The following TMC5 variants were observed in gnomAD, a reference collection of about 807,000 sequenced individuals.
The protein encoded by TMC5 is transmembrane channel-like protein 5.
TMC5 carries 86 observed loss-of-function variants against 110.5 expected under a neutral mutation model. The observed-to-expected ratio is 0.78, with a 90% CI of 0.65 to 0.93. The LOEUF (loss-of-function observed/expected upper bound fraction) is 0.93. Ranked by LOEUF, TMC5 falls within the 40% of genes least tolerant of loss-of-function variation. TMC5 has a pLI of 0.00. For missense variants in TMC5, 1,144 were observed against 1,222.8 expected (o/e 0.94, Z 0.96); for synonymous variants, 455 against 439.5 (o/e 1.04, Z -0.44).
In TMC5 at chr16:19,477,525, T is replaced by G. The variant is rs376024344; in HGVS notation, c.2169+7T>G. 3 of 1,590,226 alleles carry G rather than the reference T, an allele frequency of 1.9e-6. No individual in the cohort carries two copies. Among genetic ancestry groups the G allele is most frequent in the Non-Finnish European group, 2.6e-6 (3 of 1,166,924 alleles). ...GGCCCTGTCTGGTGAAGAGGTGAGA[T>G]TCTATGCTTCTCTGCCTTAAGTTTG... On this transcript the variant is annotated splice_region_variant and intron_variant, in intron 13 of 21. Transcript: ENST00000542583.
chr16:19,457,215 C>T (rs935515418), intron 5 of TMC5, among the ~76,000 whole-genome samples: 6 of 152,088 alleles, frequency 3.9e-5, no homozygotes, highest in African/African-American at 1.4e-4. Flanking sequence ...CAAAGGGAGA[C>T]CTCATTGCTA....
Position 19,443,996 on chromosome 16 carries a change from AATGG to A in TMC5, c.789-57_789-54del, listed in dbSNP as rs144130376. 230 of 1,158,124 alleles carry A rather than the reference AATGG, an allele frequency of 2.0e-4. 3 individuals carry two copies. The highest frequency in any genetic ancestry group is 1.5e-3 in the Admixed American group (72 of 48,450). The allele number at this position is 1,158,124 out of a possible 1,614,324, so 71.7% of individuals were successfully genotyped here. Reference sequence around the variant, plus strand: ...AAATAAATGGATGAATACATGATTGAATGGATGGATGGATGGATGGATGGATGGA... The same window carrying A: ...AAATAAATGGATGAATACATGATTGAATGGATGGATGGATGGATGGATGGA... On this transcript the variant is annotated intron_variant, in intron 3 of 21. Coordinates refer to ENST00000542583, the MANE Select transcript of TMC5 (RefSeq NM_001261841.2).
At position 19,491,018 on chromosome 16, in the gene TMC5, C is replaced by CT. The variant is rs199510628; in HGVS notation, c.2747+456dup. On this transcript the variant is annotated intron_variant, in intron 18 of 21. Coordinates refer to ENST00000542583, the MANE Select transcript of TMC5 (RefSeq NM_001261841.2). Reference sequence around the variant, plus strand: ...TCCTTCCTTCCTTACTTCTCTCTTTCTTTTTTGGTTGAGACAGGGTCATGA... The same window carrying CT: ...TCCTTCCTTCCTTACTTCTCTCTTTCTTTTTTTGGTTGAGACAGGGTCATGA... 9.4e-3 allele frequency among the ~76,000 whole-genome samples: 1,336 copies of CT among 141,774 alleles called. 28 individuals carry two copies. Among genetic ancestry groups the CT allele is most frequent in the African/African-American group, 0.034 (1,270 of 37,402 alleles). 93.0% of individuals were successfully genotyped at this position (141,774 alleles called of 152,430 possible).
chr16:19,439,859 A>C, intron 2 of TMC5, 101 bp from the exon 3 acceptor site: 1 of 596,990 alleles, frequency 1.7e-6, no homozygotes, highest in South Asian at 2.1e-5. Context: ...TGTGTACCTG[A>C]CTACGAACGA....
intron 1 of TMC5, among the ~76,000 whole-genome samples, chr16:19,425,050 A>C (rs1967062092): frequency 6.6e-6 from 1 of 152,214 alleles, no homozygotes; most frequent in Admixed American, 6.5e-5. Flanking sequence ...TAGGAACCGG[A>C]ACCAAAGACC....
intron 1 of TMC5, chr16:19,411,672 T>C (rs1482604600): frequency 6.6e-6 from 1 of 152,248 alleles, no homozygotes; most frequent in Non-Finnish European, 1.5e-5. Context: ...TGTGAAGATC[T>C]ACTGAGCTAA....
At chr16:19,481,259 G>A (rs1968611541) in intron 14 of TMC5, 111 bp from the exon 15 acceptor site, 12 of 783,730 alleles carry the variant, frequency 1.5e-5, no homozygotes, top group African/African-American at 5.2e-5. Flanking sequence ...GGGAACTTAC[G>A]ACTTTATTTC....
In TMC5 at chr16:19,486,963, C is replaced by T. The variant is rs201690307; in HGVS notation, c.2382C>T (p.Cys794=). The change falls in exon 16 of 22, where the codon TGC becomes TGT. Residue 794 remains cysteine (C), a synonymous_variant. Transcript: ENST00000542583. ...QTLVWIGIFF[C]PLLPFIQMIM... ...CTCACAGGATTGGCATCTTCTTCTG[C>T]CCCCTGCTGCCCTTTATCCAAATGA... is the stretch of plus-strand genomic sequence containing the variant. 3.2e-5 allele frequency: 52 copies of T among 1,613,916 alleles called. No individual in the cohort carries two copies. Among genetic ancestry groups the T allele is most frequent in the African/African-American group, 1.3e-4 (10 of 74,916 alleles).
intron 14 of TMC5, among the ~76,000 whole-genome samples, chr16:19,480,571 A>C (rs1403739520): frequency 2.0e-5 from 3 of 152,150 alleles, no homozygotes; most frequent in Non-Finnish European, 2.9e-5. Flanking sequence ...TTGGGAGGCC[A>C]AGGCGGGTGA....
intron 12 of TMC5, 31 bp downstream of exon 12, chr16:19,474,307 T>A (rs372318148): frequency 1.7e-4 from 266 of 1,604,216 alleles, no homozygotes; most frequent in Non-Finnish European, 1.7e-4. Flanking sequence ...AACACCAGCC[T>A]CTATTTCCAC....
intron 8 of TMC5, among the ~76,000 whole-genome samples, chr16:19,465,045 TTCTTTCTTTCTTTTCCTTCCTTCC>T (rs1450277389): frequency 0.03 from 3,237 of 106,686 alleles, 53 homozygotes; most frequent in African/African-American, 0.054. Flanking sequence ...CTTTCTTTCT[TTCTTTCTTTCTTTTCCTTCCTTCC>T]TTCCTTCCTT....
Position 19,440,156 on chromosome 16 carries a change from G to C in TMC5, c.118G>C (p.Gly40Arg), listed in dbSNP as rs368835325. 10 of 1,614,104 alleles carry C rather than the reference G, an allele frequency of 6.2e-6. No individual in the cohort carries two copies. The highest frequency in any genetic ancestry group is 8.5e-6 in the Non-Finnish European group (10 of 1,180,018). Reference protein sequence around the residue: ...LKTQGYPDVPGPLNNPDYPGT... With the variant: ...LKTQGYPDVPRPLNNPDYPGT... ...AACTCAAGGTTATCCAGATGTTCCA[G>C]GTCCTCTGAACAATCCAGACTACCC... The change falls in exon 3 of 22, where the codon GGT becomes CGT. Residue 40 changes from glycine (G) to arginine (R), a missense_variant. Physicochemically the swap from Gly to Arg is moderately radical, Grantham distance 125. Transcript: ENST00000542583.
intron 4 of TMC5, among the ~76,000 whole-genome samples, chr16:19,448,211 TCAAA>T (rs747950320): frequency 2.1e-5 from 3 of 141,920 alleles, no homozygotes; most frequent in South Asian, 4.3e-4. Flanking sequence ...GTTTATATAG[TCAAA>T]CAAAGTATTA....
At position 19,463,335 on chromosome 16, in the gene TMC5, T is replaced by G. The variant is rs1180379244; in HGVS notation, c.1204T>G (p.Cys402Gly). ...KQTHRILQLN[C>G]CIQCLNSISR... ...GACCCATCGTATCCTTCAGCTCAATTGCTGTATTCAGTGTCTGAACTCCAT... is the reference window on the plus strand; with the variant it reads ...GACCCATCGTATCCTTCAGCTCAATGGCTGTATTCAGTGTCTGAACTCCAT... Residue 402 changes from cysteine (C) to glycine (G), a missense_variant, in exon 7 of 22, where the codon TGC (cysteine) becomes GGC (glycine). Transcript: ENST00000542583. 7.4e-6 allele frequency: 12 copies of G among 1,614,098 alleles called. No homozygotes were observed. The highest frequency in any genetic ancestry group is 1.0e-5 in the Non-Finnish European group (12 of 1,179,976).
chr16:19,423,862 C>G (rs940210164), intron 1 of TMC5, among the ~76,000 whole-genome samples: 38 of 152,306 alleles, frequency 2.5e-4, no homozygotes, highest in African/African-American at 8.9e-4. Context: ...AGCGATTCTC[C>G]TGCCTCAGCC....
At chr16:19,481,110 A>C (rs1287126491) in intron 14 of TMC5, among the ~76,000 whole-genome samples, 2 of 152,196 alleles carry the variant, frequency 1.3e-5, no homozygotes, top group East Asian at 1.9e-4. Context: ...CAGGGTAACA[A>C]ATATTCTCTA....
intron 1 of TMC5, among the ~76,000 whole-genome samples, chr16:19,412,599 C>T (rs1205893111): frequency 2.0e-5 from 3 of 152,124 alleles, no homozygotes; most frequent in African/African-American, 4.8e-5. Flanking sequence ...AACTCCTGAC[C>T]TCAGTTGATC....
chr16:19,420,596 G>GACTA (rs1966962476), intron 1 of TMC5, among the ~76,000 whole-genome samples: 1 of 152,064 alleles, frequency 6.6e-6, no homozygotes, highest in Non-Finnish European at 1.5e-5. Context: ...GGGTAGCTGG[G>GACTA]ACTAACGGCT....
intron 12 of TMC5, 102 bp from the exon 13 acceptor site, chr16:19,477,338 G>C (rs1345375167): frequency 9.3e-6 from 8 of 864,642 alleles, no homozygotes; most frequent in Admixed American, 3.7e-5. Flanking sequence ...AACCACAGGG[G>C]CCAGGAATTT....
Sources: gnomAD v4.1 joint callset for allele counts (sites outside exome capture counted in the v4.1 genomes callset) on GRCh38, gnomAD v4.1.1 for gene constraint, MANE v1.5 for transcripts, NCBI Gene and HGNC (gene_info 2026-07-23, HGNC 2026-07-21) for gene names.